The following PWWP2A variants were observed in gnomAD, a reference collection of about 807,000 sequenced individuals.
The protein encoded by PWWP2A is PWWP domain-containing protein 2A.
In PWWP2A, 18 loss-of-function variants were observed where a neutral mutation model predicts 48.5. The observed-to-expected ratio is 0.37, with a 90% CI of 0.26 to 0.55. The LOEUF is 0.55. Among genes scored for constraint, PWWP2A ranks in the 20% least tolerant of loss-of-function variants. The pLI is 0.81. For synonymous variants in PWWP2A, 396 were observed against 387.7 expected (o/e 1.02, Z -0.25); for missense variants, 867 against 976.4 (o/e 0.89, Z 1.49).
At chr5:160,087,668 T>C (rs1008617386), downstream of PWWP2A, among the ~76,000 whole-genome samples, 4 of 152,232 alleles carry the variant, frequency 2.6e-5, no homozygotes, top group African/African-American at 9.6e-5. Flanking sequence ...GCCACAGAAC[T>C]GTATAATTAA....
downstream of PWWP2A, chr5:160,091,005 G>A (rs1328403580): frequency 1.0e-6 from 1 of 985,062 alleles, no homozygotes; most frequent in East Asian, 1.1e-4. Context: ...AAACAGAAGA[G>A]ACCGGTTGTA....
rs766793941 is a variant in PWWP2A at position 160,070,477 on chromosome 5, AG to A, written c.*80-3607del. Among the ~76,000 whole-genome samples, 1,111 of 151,650 alleles carry A rather than the reference AG, an allele frequency of 7.3e-3. 2 individuals are homozygous for A. Among genetic ancestry groups the A allele is most frequent in the Non-Finnish European group, 0.012 (798 of 67,914 alleles). The stretch of plus-strand genomic sequence containing the variant: ...AACAGTGAGAGACCCTGTCTCTGAA[AG>A]AAAAAAACAAAAAACAAAAAACTAT... On this transcript the variant is annotated intron_variant and NMD_transcript_variant, in intron 2 of 5. Transcript: ENST00000524050.
intron 1 of PWWP2A, among the ~76,000 whole-genome samples, chr5:160,107,204 C>G (rs1756991400): frequency 6.6e-6 from 1 of 152,116 alleles, no homozygotes; most frequent in Non-Finnish European, 1.5e-5. Flanking sequence ...CCCTAAAAAT[C>G]AGTTATCTCC....
intron 2 of PWWP2A, among the ~76,000 whole-genome samples, chr5:160,082,831 A>G (rs780714690): frequency 1.9e-4 from 29 of 152,272 alleles, no homozygotes; most frequent in Non-Finnish European, 3.5e-4. Flanking sequence ...AAAGGCGGCA[A>G]TTTCATCGGA....
chr5:160,105,912 T>C lies in PWWP2A; in HGVS notation c.585-11847A>G, dbSNP rs1332935165. On this transcript the variant is annotated intron_variant, in intron 1 of 1. Coordinates refer to ENST00000307063, the MANE Select transcript of PWWP2A (RefSeq NM_001130864.2). Reference sequence around the variant, plus strand: ...TTAACAGGCTTCAAAGCTGACAATTTGTACTTCCTCTTATGAACAAGTAGG... The same window carrying C: ...TTAACAGGCTTCAAAGCTGACAATTCGTACTTCCTCTTATGAACAAGTAGG... Among the ~76,000 whole-genome samples the C allele has an allele frequency of 2.0e-5, 3 of 152,308 alleles. No individual in the cohort carries two copies. The East Asian group carries it at 5.8e-4, about 29-fold the overall frequency.
chr5:160,067,992 C>T (rs967770423), intron 2 of PWWP2A, among the ~76,000 whole-genome samples: 10 of 152,304 alleles, frequency 6.6e-5, no homozygotes, highest in Middle Eastern at 3.4e-3. Context: ...ACCAACCTGA[C>T]CAACATGGTG....
Position 160,119,023 on chromosome 5 carries a change from C to T in PWWP2A, c.366G>A (p.Glu122=). ...CGCGCTCCTCGGGAGCCGGGGGCTGCTCCGGCGGCGATGCAGGAGAAGGTG... is the reference window on the plus strand; with the variant it reads ...CGCGCTCCTCGGGAGCCGGGGGCTGTTCCGGCGGCGATGCAGGAGAAGGTG... ...ELPPSPASPP[E]QPPAPEEREE... Residue 122 remains glutamate, a synonymous_variant, in exon 1 of 2, where the codon GAG becomes GAA. Coordinates refer to ENST00000307063, the MANE Select transcript of PWWP2A (RefSeq NM_001130864.2). 6.3e-7 allele frequency: 1 copy of T among 1,598,602 alleles called. No homozygotes were observed. The highest frequency in any genetic ancestry group is 2.3e-5 in the East Asian group (1 of 43,668).
chr5:160,071,901 GGA>G (rs1247358078), downstream of PWWP2A, among the ~76,000 whole-genome samples: 1 of 152,166 alleles, frequency 6.6e-6, no homozygotes, highest in Admixed American at 6.5e-5. Context: ...GGAGGGATGA[GGA>G]TAGGGAAGAG....
chr5:160,112,978 GA>G (rs1370791304), intron 1 of PWWP2A, among the ~76,000 whole-genome samples: 4 of 152,118 alleles, frequency 2.6e-5, no homozygotes, highest in African/African-American at 9.7e-5. Flanking sequence ...CCAACATGAT[GA>G]AACACTGTCT....
chr5:160,070,561 GTTT>G (rs1323186734), intron 2 of PWWP2A, among the ~76,000 whole-genome samples: 1 of 152,084 alleles, frequency 6.6e-6, no homozygotes, highest in African/African-American at 2.4e-5. Context: ...TGTTGTGGTT[GTTT>G]TTTAGCCTTT....
the PWWP2A span, among the ~76,000 whole-genome samples, chr5:160,056,731 AATAT>A: frequency 2.6e-5 from 4 of 151,512 alleles, no homozygotes; most frequent in Non-Finnish European, 4.4e-5. Context: ...TCAAAAGCAA[AATAT>A]ATATATATAT....
chr5:160,082,443 CAAAA>C (rs35974527), intron 2 of PWWP2A, among the ~76,000 whole-genome samples: 2 of 134,694 alleles, frequency 1.5e-5, no homozygotes, highest in Non-Finnish European at 3.2e-5. Flanking sequence ...GACTCCGTCT[CAAAA>C]AAAAAAAAAA....
intron 5 of PWWP2A, among the ~76,000 whole-genome samples, chr5:160,063,170 C>T (rs1347397881): frequency 6.6e-6 from 1 of 152,196 alleles, no homozygotes; most frequent in Non-Finnish European, 1.5e-5. Context: ...TGGGCTAGTT[C>T]TTAAGCCTGA....
chr5:160,065,767 G>A (rs1753587772), intron 4 of PWWP2A, among the ~76,000 whole-genome samples: 1 of 152,166 alleles, frequency 6.6e-6, no homozygotes, highest in Non-Finnish European at 1.5e-5. Flanking sequence ...GCCCCTCCAG[G>A]TTTGTATAGA....
intron 1 of PWWP2A, among the ~76,000 whole-genome samples, chr5:160,112,457 C>A (rs373088360): frequency 1.9e-3 from 288 of 152,058 alleles, no homozygotes; most frequent in African/African-American, 6.5e-3. Context: ...CCTGACCTTA[C>A]GTGACCCACC....
At chr5:160,065,004 AG>A (rs771385601) in intron 4 of PWWP2A, 4 of 1,614,112 alleles carry the variant, frequency 2.5e-6, no homozygotes, top group Non-Finnish European at 3.4e-6. Context: ...CAGATCAAAC[AG>A]GATTCCTCTA....
chr5:160,068,402 C>G (rs1753666869), intron 2 of PWWP2A, among the ~76,000 whole-genome samples: 1 of 152,150 alleles, frequency 6.6e-6, no homozygotes, highest in African/African-American at 2.4e-5. Flanking sequence ...GAGTTTGAGA[C>G]CAGCCTGGCC....
In PWWP2A at chr5:160,078,125, G is replaced by A; in HGVS notation, c.*30C>T. The A allele has an allele frequency of 6.5e-7, 1 of 1,543,706 alleles. No individual in the cohort carries two copies. Among genetic ancestry groups the A allele is most frequent in the South Asian group, 1.2e-5 (1 of 84,104 alleles). The stretch of plus-strand genomic sequence containing the variant: ...ATGCTCTGGTGTTCTCTGTGTCATT[G>A]TGGTACAGGTCCATGAAACCAGCAG... On this transcript the variant is annotated 3_prime_UTR_variant, in exon 4 of 4. Coordinates refer to the PWWP2A transcript ENST00000456329. This position sits in a 1 kb window ranked among gnomAD's most constrained non-coding sequence, Gnocchi z 4.2.
the PWWP2A span, among the ~76,000 whole-genome samples, chr5:160,046,963 G>A: frequency 6.6e-6 from 1 of 152,070 alleles, no homozygotes; most frequent in Non-Finnish European, 1.5e-5. Context: ...AGTGAGCCGA[G>A]ATCACGCCAT....
Sources: allele counts gnomAD v4.1 joint callset (sites outside exome capture counted in the v4.1 genomes callset), GRCh38; gene constraint gnomAD v4.1.1; non-coding constraint Gnocchi (gnomAD v3.1); transcripts MANE v1.5; gene names NCBI Gene and HGNC (gene_info 2026-07-23, HGNC 2026-07-21).